BAZ1A: variants seen among roughly 807,000 people sequenced by gnomAD.
BAZ1A encodes the protein bromodomain adjacent to zinc finger domain protein 1A.
A neutral mutation model predicts 185.2 loss-of-function variants in BAZ1A; 50 were observed. That is an observed-to-expected ratio of 0.27 (90% CI 0.22 to 0.34). The LOEUF is 0.34. Among genes scored for constraint, BAZ1A ranks in the 10% least tolerant of loss-of-function variants. The pLI, the probability that BAZ1A is intolerant of heterozygous loss-of-function variation, is 1.00. For missense variants in BAZ1A, 1,356 were observed against 1,839.9 expected (o/e 0.74, Z 4.81); for synonymous variants, 571 against 615.6 (o/e 0.93, Z 1.07).
chr14:34,802,437 C>T (rs978617405), intron 7 of BAZ1A, among the ~76,000 whole-genome samples: 2 of 152,090 alleles, frequency 1.3e-5, no homozygotes, highest in Non-Finnish European at 2.9e-5. Context: ...AAATGTCCAC[C>T]CACCTCAGCC....
At chr14:34,798,145 C>T (rs576503375) in intron 9 of BAZ1A, among the ~76,000 whole-genome samples, 10 of 152,086 alleles carry the variant, frequency 6.6e-5, no homozygotes, top group Middle Eastern at 3.4e-3. Flanking sequence ...TGCTGAGGGG[C>T]GTGTCCGCCA....
intron 3 of BAZ1A, among the ~76,000 whole-genome samples, chr14:34,860,858 A>G (rs1212000841): frequency 6.6e-6 from 1 of 152,114 alleles, no homozygotes; most frequent in Non-Finnish European, 1.5e-5. Flanking sequence ...AGATCTTGCC[A>G]TTGCACTCCA....
At chr14:34,871,934 T>C (rs1368127761) in intron 2 of BAZ1A, among the ~76,000 whole-genome samples, 4 of 152,202 alleles carry the variant, frequency 2.6e-5, no homozygotes, top group Non-Finnish European at 5.9e-5. Context: ...AAAGGTCAGG[T>C]TACCATACTA....
Position 34,812,225 on chromosome 14 carries a change from TG to T in BAZ1A, c.537-1190del, listed in dbSNP as rs1289789721. ...AGAGGTTGATATTTAAGCAGAGATC[TG>T]GGGGGGGAGGGGAACAAAAAAAAGG... On this transcript the variant is annotated intron_variant, in intron 4 of 26. Transcript: ENST00000360310. Among the ~76,000 whole-genome samples the T allele has an allele frequency of 7.8e-5, 8 of 102,944 alleles. No individual in the cohort carries two copies. In the East Asian group the frequency reaches 7.9e-4, roughly 10 times the overall value. The allele number at this position is 102,944 out of a possible 152,430, so 67.5% of individuals were successfully genotyped here. A position where few individuals can be genotyped will look rare whatever the true frequency, so the allele number is the denominator to read the frequency against.
At chr14:34,788,027 T>G (rs1425483656) in intron 12 of BAZ1A, among the ~76,000 whole-genome samples, 1 of 152,074 alleles carries the variant, frequency 6.6e-6, no homozygotes, top group African/African-American at 2.4e-5. Flanking sequence ...ATTTTTGTTT[T>G]TTTTTTTTGA....
intron 3 of BAZ1A, among the ~76,000 whole-genome samples, chr14:34,852,818 C>T (rs918722209): frequency 6.6e-6 from 1 of 152,124 alleles, no homozygotes; most frequent in South Asian, 2.1e-4. Flanking sequence ...AGAGTTTAAA[C>T]TACTTGTTCA....
rs1390408402 is a variant in BAZ1A, at chr14:34,823,457, C to T, written c.536+2556G>A. 5.3e-5 allele frequency among the ~76,000 whole-genome samples: 8 copies of T among 151,824 alleles called. No homozygotes were observed. In the East Asian group the frequency reaches 1.4e-3, roughly 26 times the overall value. On this transcript the variant is annotated intron_variant, in intron 4 of 26. Transcript: ENST00000360310. The stretch of plus-strand genomic sequence containing the variant: ...GGTGGATCACTTGAGGTCAGGAGTT[C>T]GAGACCAGCCTGGCCAACCTGGAGA...
intron 3 of BAZ1A, chr14:34,828,789 C>T (rs955044771): frequency 3.3e-5 from 5 of 152,180 alleles, no homozygotes; most frequent in African/African-American, 1.2e-4. Context: ...TCTAGAGACT[C>T]CAGGGTATGG....
chr14:34,838,324 TA>T (rs1237912758), intron 3 of BAZ1A, among the ~76,000 whole-genome samples: 1 of 152,180 alleles, frequency 6.6e-6, no homozygotes, highest in Non-Finnish European at 1.5e-5. Flanking sequence ...AGAACCTGAA[TA>T]AGGTTTTTAA....
chr14:34,764,289 C>CTTTTTTT (rs34861206), intron 23 of BAZ1A, among the ~76,000 whole-genome samples: 61 of 111,850 alleles, frequency 5.5e-4, no homozygotes, highest in African/African-American at 8.7e-4. Flanking sequence ...TTTTTCTTTT[C>CTTTTTTT]TTTTTTTTTT....
chr14:34,809,821 G>A (rs1451029120), intron 5 of BAZ1A, among the ~76,000 whole-genome samples: 1 of 151,824 alleles, frequency 6.6e-6, no homozygotes, highest in Non-Finnish European at 1.5e-5. Flanking sequence ...TGAACTAAAG[G>A]CAAAAGAAAA....
At chr14:34,855,012 G>A (rs2042653907) in intron 3 of BAZ1A, among the ~76,000 whole-genome samples, 1 of 152,244 alleles carries the variant, frequency 6.6e-6, no homozygotes, top group East Asian at 1.9e-4. Context: ...CCAGTAGGCG[G>A]AGGTTGCAGT....
chr14:34,805,528 C>T (rs777956936), intron 6 of BAZ1A, among the ~76,000 whole-genome samples: 10 of 152,154 alleles, frequency 6.6e-5, no homozygotes, highest in East Asian at 1.9e-4. Context: ...TCACATATAT[C>T]GATTGCCTAC....
intron 25 of BAZ1A, among the ~76,000 whole-genome samples, chr14:34,755,329 T>G (rs1322297143): frequency 6.6e-6 from 1 of 152,154 alleles, no homozygotes; most frequent in Non-Finnish European, 1.5e-5. Context: ...GCTCTAGAAG[T>G]CTCAAAGTAG....
At position 34,860,336 on chromosome 14, in the gene BAZ1A, C is replaced by T. The variant is rs376205232; in HGVS notation, c.392+1708G>A. ...CTGCTGGGGCAACATGGTGAAACCC[C>T]GTCTCTACAAAAAATACAAAAATGA... is the stretch of plus-strand genomic sequence containing the variant. On this transcript the variant is annotated intron_variant, in intron 3 of 26. Coordinates refer to ENST00000360310, the MANE Select transcript of BAZ1A (RefSeq NM_013448.3). Among the ~76,000 whole-genome samples the T allele has an allele frequency of 1.7e-3, 262 of 151,174 alleles. 10 individuals are homozygous for T. In the South Asian group the frequency reaches 0.037, roughly 21 times the overall value.
At chr14:34,849,542 C>T (rs1415690673) in intron 3 of BAZ1A, among the ~76,000 whole-genome samples, 10 of 151,740 alleles carry the variant, frequency 6.6e-5, no homozygotes, top group Non-Finnish European at 1.5e-4. Flanking sequence ...GAAAAAAAAA[C>T]AGATTTTAAA....
At position 34,874,408 on chromosome 14, in the gene BAZ1A, G is replaced by A. The variant is rs2043006386; in HGVS notation, c.113+84C>T. 1 of 1,338,616 alleles carries A rather than the reference G, an allele frequency of 7.5e-7. No individual in the cohort carries two copies. Among genetic ancestry groups the A allele is most frequent in the South Asian group, 1.2e-5 (1 of 84,346 alleles). 82.9% of individuals were successfully genotyped at this position (1,338,616 alleles called of 1,614,324 possible). On this transcript the variant is annotated intron_variant, in intron 2 of 26. Transcript: ENST00000360310. This position sits in a 1 kb window ranked among gnomAD's most constrained non-coding sequence, Gnocchi z 4.7. ...TCAAGTCGCCCCGCCAGAAGCCCAG[G>A]GCGAGGAAAAGGAGAGAGACAAAAG...
rs138948614 is a variant in BAZ1A, at chr14:34,836,897, G to A, written c.393-10741C>T. 7.3e-3 allele frequency among the ~76,000 whole-genome samples: 1,116 copies of A among 151,980 alleles called. 34 individuals are homozygous for A. Among genetic ancestry groups the A allele is most frequent in the African/African-American group, 0.026 (1,057 of 41,318 alleles). ...CTTTGTTTATAATTCCTTTTTTAGA[G>A]AAATACGTCAATGTAGCTCAAAGAA... is the stretch of plus-strand genomic sequence containing the variant. On this transcript the variant is annotated intron_variant, in intron 3 of 26. Coordinates refer to ENST00000360310, the MANE Select transcript of BAZ1A (RefSeq NM_013448.3).
chr14:34,842,908 C>T (rs904054107), intron 3 of BAZ1A, among the ~76,000 whole-genome samples: 1 of 151,922 alleles, frequency 6.6e-6, no homozygotes, highest in Non-Finnish European at 1.5e-5. Context: ...TACATGTATG[C>T]TCTCCCAAAG....
Sources: allele counts gnomAD v4.1 joint callset (sites outside exome capture counted in the v4.1 genomes callset), GRCh38; gene constraint gnomAD v4.1.1; non-coding constraint Gnocchi (gnomAD v3.1); transcripts MANE v1.5; gene names NCBI Gene and HGNC (gene_info 2026-07-23, HGNC 2026-07-21).